EYA2: variants seen among roughly 807,000 people sequenced by gnomAD.
EYA2 encodes the protein EYA transcriptional coactivator and phosphatase 2, also known as protein phosphatase EYA2.
A neutral mutation model predicts 69.2 loss-of-function variants in EYA2; 31 were observed. The ratio of observed to expected loss-of-function variants is 0.45; its 90% CI spans 0.34 to 0.60. The LOEUF (loss-of-function observed/expected upper bound fraction) is 0.60. EYA2 is among the 20% of genes least tolerant of loss of function. EYA2 has a pLI of 0.02. For missense variants in EYA2, 622 were observed against 701.2 expected, an observed-to-expected ratio of 0.89 and a Z score of 1.28; for synonymous variants, 257 against 279.4, an observed-to-expected ratio of 0.92 and a Z score of 0.80.
intron 8 of EYA2, 100 bp downstream of exon 8, chr20:47,089,481 T>C: frequency 7.4e-7 from 1 of 1,356,388 alleles, no homozygotes; most frequent in Non-Finnish European, 1.0e-6. Context: ...AGGCGGAGAA[T>C]CGCCCTTCGT....
intron 9 of EYA2, among the ~76,000 whole-genome samples, chr20:47,130,448 G>A (rs958448435): frequency 1.3e-4 from 20 of 151,440 alleles, no homozygotes; most frequent in African/African-American, 4.1e-4. Flanking sequence ...TGTATTTTTA[G>A]TAGAGGCAGG....
chr20:47,121,951 G>A (rs1318355354), intron 9 of EYA2, among the ~76,000 whole-genome samples: 1 of 152,170 alleles, frequency 6.6e-6, no homozygotes, highest in Admixed American at 6.5e-5. Flanking sequence ...ACATCACACT[G>A]AGGGCATCTG....
In EYA2 at chr20:47,188,122, G is replaced by A; in HGVS notation, c.1606G>A (p.Glu536Lys). ...GGCACTGAGGCACGCCCTGGAGCTG[G>A]AGTATTTATAGCAGGATCAGCAGCA... ...LEALRHALEL[E>K]YL Residue 536 changes from glutamate (E) to lysine (K), a missense_variant, in exon 16 of 16, where the codon GAG becomes AAG. Physicochemically the swap from Glu to Lys is moderately conservative, Grantham distance 56 (BLOSUM62 1). Transcript: ENST00000327619. The A allele has an allele frequency of 6.3e-7, 1 of 1,581,366 alleles. No individual in the cohort carries two copies. The highest frequency in any genetic ancestry group is 8.6e-7 in the Non-Finnish European group (1 of 1,163,684).
At chr20:47,093,616 A>G (rs930781483) in intron 8 of EYA2, among the ~76,000 whole-genome samples, 3 of 152,210 alleles carry the variant, frequency 2.0e-5, no homozygotes, top group East Asian at 3.8e-4. Flanking sequence ...TCTATCTGCA[A>G]AACAGTCATT....
intron 9 of EYA2, among the ~76,000 whole-genome samples, chr20:47,135,406 G>A (rs1403521036): frequency 6.6e-6 from 1 of 152,020 alleles, no homozygotes; most frequent in Non-Finnish European, 1.5e-5. Flanking sequence ...CTGGCTTAGA[G>A]CCCACCTTCT....
chr20:46,961,236 G>A (rs543378325), intron 1 of EYA2, among the ~76,000 whole-genome samples: 18 of 152,138 alleles, frequency 1.2e-4, no homozygotes, highest in Non-Finnish European at 2.4e-4. Flanking sequence ...TGAGGTAGGA[G>A]AATCACTTAA....
At chr20:46,958,450 G>GA (rs35984803) in intron 1 of EYA2, among the ~76,000 whole-genome samples, 32,528 of 150,406 alleles carry the variant, frequency 0.22, 4,446 homozygotes, top group South Asian at 0.34. Flanking sequence ...GTGTAATTAT[G>GA]AAAAAAAAAC....
chr20:47,057,098 AGGAG>A (rs1217481159), intron 5 of EYA2, among the ~76,000 whole-genome samples: 58 of 112,034 alleles, frequency 5.2e-4, no homozygotes, highest in Admixed American at 1.7e-3. Context: ...GAAGAAAGGA[AGGAG>A]GGAGGGAGGG....
At chr20:47,073,067 TGTG>T (rs1484832950) in intron 6 of EYA2, among the ~76,000 whole-genome samples, 3 of 152,226 alleles carry the variant, frequency 2.0e-5, no homozygotes, top group African/African-American at 7.2e-5. Flanking sequence ...CTTTTTAAGA[TGTG>T]GTTCTTAACC....
chr20:47,081,810 A>G (rs916459951), intron 7 of EYA2, among the ~76,000 whole-genome samples: 1 of 148,758 alleles, frequency 6.7e-6, no homozygotes, highest in Non-Finnish European at 1.5e-5. Flanking sequence ...AGAAAAAAAG[A>G]GAGAGAGAGA....
chr20:47,098,601 C>T (rs2032326830), intron 9 of EYA2, among the ~76,000 whole-genome samples: 1 of 152,204 alleles, frequency 6.6e-6, no homozygotes, highest in Non-Finnish European at 1.5e-5. Flanking sequence ...GAGACAAAGC[C>T]CCGAGTTCCT....
At chr20:47,141,048 C>A (rs989917860) in intron 9 of EYA2, among the ~76,000 whole-genome samples, 4 of 152,208 alleles carry the variant, frequency 2.6e-5, no homozygotes, top group Non-Finnish European at 5.9e-5. Flanking sequence ...TCCTACTAGG[C>A]CTTACCTCCC....
At chr20:47,092,219 A>G (rs572257974) in intron 8 of EYA2, among the ~76,000 whole-genome samples, 22 of 152,010 alleles carry the variant, frequency 1.4e-4, no homozygotes, top group African/African-American at 5.1e-4. Context: ...TTGGTGCCCT[A>G]CACTTGGTCA....
chr20:47,170,033 G>A (rs1439948933), intron 11 of EYA2, among the ~76,000 whole-genome samples: 1 of 151,924 alleles, frequency 6.6e-6, no homozygotes, highest in African/African-American at 2.4e-5. Context: ...AGCCTCCTGA[G>A]TAGCTGGGAT....
intron 11 of EYA2, among the ~76,000 whole-genome samples, chr20:47,170,695 A>G (rs1281734055): frequency 6.6e-6 from 1 of 152,120 alleles, no homozygotes; most frequent in African/African-American, 2.4e-5. Flanking sequence ...GTGGGCTGGA[A>G]TGTTCCAAGC....
chr20:46,999,943 C>T (rs1043723604), intron 2 of EYA2, among the ~76,000 whole-genome samples: 1 of 152,196 alleles, frequency 6.6e-6, no homozygotes, highest in Non-Finnish European at 1.5e-5. Flanking sequence ...GGGCCTGGCA[C>T]ATAGTCAACC....
At chr20:47,178,184 C>T (rs868281298) in intron 12 of EYA2, among the ~76,000 whole-genome samples, 1 of 151,964 alleles carries the variant, frequency 6.6e-6, no homozygotes, top group Non-Finnish European at 1.5e-5. Flanking sequence ...AAAATTTAGC[C>T]GGACATGGTG....
chr20:46,992,165 T>C (rs1488570680), intron 2 of EYA2, among the ~76,000 whole-genome samples: 1 of 152,132 alleles, frequency 6.6e-6, no homozygotes, highest in African/African-American at 2.4e-5. Flanking sequence ...TTCATTCTCC[T>C]CCTCCCTCCC....
At chr20:47,083,487 A>G (rs1430565901) in intron 7 of EYA2, among the ~76,000 whole-genome samples, 1 of 151,682 alleles carries the variant, frequency 6.6e-6, no homozygotes, top group Non-Finnish European at 1.5e-5. Context: ...CTGAGGCAGG[A>G]GAATCCCTTG....
Sources: gnomAD v4.1 joint callset for allele counts (sites outside exome capture counted in the v4.1 genomes callset) on GRCh38, gnomAD v4.1.1 for gene constraint, MANE v1.5 for transcripts, NCBI Gene and HGNC (gene_info 2026-07-23, HGNC 2026-07-21) for gene names.